The following BOC variants were observed in gnomAD, a reference collection of about 807,000 sequenced individuals.
BOC encodes the protein brother of CDO.
BOC carries 76 observed loss-of-function variants against 112.0 expected under a neutral mutation model. The observed-to-expected ratio is 0.68, with a 90% CI of 0.56 to 0.82. The LOEUF (loss-of-function observed/expected upper bound fraction) is 0.82. Ranked by LOEUF, BOC falls within the 40% of genes least tolerant of loss-of-function variation. BOC has a pLI of 0.00. For synonymous variants in BOC, 580 were observed against 599.8 expected (o/e 0.97, Z 0.48); for missense variants, 1,309 against 1,511.7 (o/e 0.87, Z 2.22).
intron 17 of BOC, 46 bp downstream of exon 17, chr3:113,284,613 G>A: frequency 6.4e-7 from 1 of 1,574,496 alleles, no homozygotes; most frequent in South Asian, 1.1e-5. Context: ...ACACCCAGGA[G>A]GGAGTGGCTG....
intron 2 of BOC, among the ~76,000 whole-genome samples, chr3:113,237,748 C>T (rs143535060): frequency 2.8e-4 from 43 of 152,200 alleles, no homozygotes; most frequent in African/African-American, 9.6e-4. Context: ...CCTTTCCCCC[C>T]AGGAAAAAAA....
chr3:113,222,577 C>T lies in BOC; in HGVS notation c.-82+6303C>T, dbSNP rs370753916. 3.9e-5 allele frequency among the ~76,000 whole-genome samples: 6 copies of T among 152,172 alleles called. No homozygotes were observed. The East Asian group carries it at 7.7e-4, about 20-fold the overall frequency. On this transcript the variant is annotated intron_variant, in intron 2 of 19. Coordinates refer to ENST00000682979, the MANE Select transcript of BOC (RefSeq NM_001378074.1). ...CCCTCAGGAATGTCCGTGGGTGTAC[C>T]GGTTGCTCCGTGTCGGGGGATGTAA...
intron 2 of BOC, among the ~76,000 whole-genome samples, chr3:113,226,558 A>G (rs1055438572): frequency 1.3e-5 from 2 of 152,350 alleles, no homozygotes; most frequent in South Asian, 2.1e-4. Flanking sequence ...TGCGTGTCCA[A>G]TTGAGATGGA....
intron 2 of BOC, among the ~76,000 whole-genome samples, chr3:113,239,728 G>A (rs946159676): frequency 1.3e-5 from 2 of 152,234 alleles, no homozygotes; most frequent in Non-Finnish European, 2.9e-5. Flanking sequence ...TGCAGGGAAG[G>A]TTGGGAAGAG....
rs1473152439 is a variant in BOC, at chr3:113,278,197, G to A, written c.1645G>A (p.Glu549Lys). 1 of 1,614,220 alleles carries A rather than the reference G, an allele frequency of 6.2e-7. No homozygotes were observed. Among genetic ancestry groups the A allele is most frequent in the Non-Finnish European group, 8.5e-7 (1 of 1,180,046 alleles). The change falls in exon 10 of 20, where the codon GAG (glutamate) becomes AAG (lysine). Residue 549 changes from glutamate to lysine, a missense_variant. Physicochemically the swap from Glu to Lys is moderately conservative, Grantham distance 56 (BLOSUM62 1). Transcript: ENST00000682979. This position sits in a 1 kb window ranked among gnomAD's most constrained non-coding sequence, Gnocchi z 4.2. ...TGACCCCGGGAGCTTGTATGAAGTG[G>A]AGATGGCAGCTTACAACTGTGCGGG... ...RLDPGSLYEV[E>K]MAAYNCAGEG...
chr3:113,233,692 G>A (rs1460986890), intron 2 of BOC, among the ~76,000 whole-genome samples: 3 of 152,114 alleles, frequency 2.0e-5, no homozygotes, highest in Non-Finnish European at 4.4e-5. Flanking sequence ...GGACCTCACC[G>A]CTGCCTAGTG....
At chr3:113,255,765 A>G (rs1359216051) in intron 4 of BOC, among the ~76,000 whole-genome samples, 1 of 152,204 alleles carries the variant, frequency 6.6e-6, no homozygotes, top group Non-Finnish European at 1.5e-5. Flanking sequence ...GAAAGGAAGG[A>G]GTCCCCCTCG....
chr3:113,263,579 G>A (rs1239513726), intron 4 of BOC, among the ~76,000 whole-genome samples: 2 of 152,192 alleles, frequency 1.3e-5, no homozygotes, highest in African/African-American at 4.8e-5. Context: ...GATTACACCT[G>A]GGGCATTTAA....
Position 113,226,070 on chromosome 3 carries a change from T to G in BOC, c.-82+9796T>G, listed in dbSNP as rs1266083270. On this transcript the variant is annotated intron_variant, in intron 2 of 19. Transcript: ENST00000682979. ...TGTGTGTCTATGAGCAGGGGCCATA[T>G]TTTCTGAACCAAAAGACAAATGTAT... is the stretch of plus-strand genomic sequence containing the variant. Among the ~76,000 whole-genome samples the G allele has an allele frequency of 4.6e-5, 7 of 152,360 alleles. No individual in the cohort carries two copies. In the South Asian group the frequency reaches 1.4e-3, roughly 32 times the overall value.
Position 113,268,317 on chromosome 3 carries a change from T to C in BOC, c.395T>C (p.Leu132Ser). 6.2e-7 allele frequency: 1 copy of C among 1,614,080 alleles called. No homozygotes were observed. The highest frequency in any genetic ancestry group is 8.5e-7 in the Non-Finnish European group (1 of 1,180,016). ...VTLANLQDFK[L>S]DVQHVIEVDE... Reference sequence around the variant, plus strand: ...TTCACAGATCTCCAGGACTTCAAGTTAGATGTGCAGCACGTGATTGAAGTG... The same window carrying C: ...TTCACAGATCTCCAGGACTTCAAGTCAGATGTGCAGCACGTGATTGAAGTG... Residue 132 changes from leucine (L) to serine (S), a missense_variant, in exon 5 of 20, where the codon TTA becomes TCA. Transcript: ENST00000682979.
intron 15 of BOC, 80 bp downstream of exon 15, chr3:113,281,233 G>A (rs772478943): frequency 2.3e-5 from 35 of 1,526,822 alleles, no homozygotes; most frequent in East Asian, 2.3e-4. Flanking sequence ...GTGCCTGTGC[G>A]GTGCTGGGCC....
Position 113,252,618 on chromosome 3 carries a change from T to A in BOC, c.376+1785T>A, listed in dbSNP as rs76963084. Among the ~76,000 whole-genome samples, 868 of 152,270 alleles carry A rather than the reference T, an allele frequency of 5.7e-3. 5 individuals are homozygous for A. The highest frequency in any genetic ancestry group is 0.019 in the African/African-American group (809 of 41,540). Reference sequence around the variant, plus strand: ...AGCTTCACTCTGTGGGTCAGTGGAATGGAGGCTGCCAGGATTCCTCTTTTC... The same window carrying A: ...AGCTTCACTCTGTGGGTCAGTGGAAAGGAGGCTGCCAGGATTCCTCTTTTC... On this transcript the variant is annotated intron_variant, in intron 4 of 19. Transcript: ENST00000682979.
At chr3:113,212,976 C>G (rs999212113) in intron 1 of BOC, among the ~76,000 whole-genome samples, 7 of 152,128 alleles carry the variant, frequency 4.6e-5, no homozygotes, top group African/African-American at 1.7e-4. Context: ...ATGAGAGAGG[C>G]AGGCAGACCT....
At chr3:113,239,477 A>G (rs10511323) in intron 2 of BOC, among the ~76,000 whole-genome samples, 30,202 of 152,196 alleles carry the variant, frequency 0.2, 3,819 homozygotes, top group East Asian at 0.46. Context: ...GAGCAGTGAC[A>G]TAAAAGGCAA....
intron 2 of BOC, among the ~76,000 whole-genome samples, chr3:113,244,526 G>A (rs372870113): frequency 2.6e-5 from 4 of 152,190 alleles, no homozygotes; most frequent in Non-Finnish European, 4.4e-5. Context: ...GCTGTCTAAT[G>A]TGGCAACCAC....
chr3:113,253,434 G>A (rs995396417), intron 4 of BOC, among the ~76,000 whole-genome samples: 4 of 151,746 alleles, frequency 2.6e-5, no homozygotes, highest in South Asian at 2.1e-4. Context: ...ATAGCCAGGC[G>A]TGGTGGCGTG....
In BOC at chr3:113,278,345, C is replaced by A; in HGVS notation, c.1705+88C>A. ...CAGGTGAGAATTCCTGCTCACCTTG[C>A]CCCAGCTGTTCACCTTGAACTTCAT... On this transcript the variant is annotated intron_variant, in intron 10 of 19. Transcript: ENST00000682979. The surrounding 1 kb of genome is among the most constrained non-coding windows in gnomAD (Gnocchi z 4.2). 1 of 1,402,870 alleles carries A rather than the reference C, an allele frequency of 7.1e-7. No homozygotes were observed. Among genetic ancestry groups the A allele is most frequent in the Non-Finnish European group, 9.9e-7 (1 of 1,012,400 alleles). 86.9% of individuals were successfully genotyped at this position (1,402,870 alleles called of 1,614,324 possible). A position where few individuals can be genotyped will look rare whatever the true frequency, so the allele number is the denominator to read the frequency against.
chr3:113,277,296 A>T (rs1948758696), intron 9 of BOC, among the ~76,000 whole-genome samples: 1 of 152,226 alleles, frequency 6.6e-6, no homozygotes, highest in African/African-American at 2.4e-5. Context: ...TCTTCAGAAT[A>T]ACCTGAGAGA....
chr3:113,283,599 C>T lies in BOC; in HGVS notation c.2623C>T (p.Pro875Ser). Residue 875 changes from proline to serine, a missense_variant, in exon 16 of 20, where the codon CCC becomes TCC. Physicochemically the swap from Pro to Ser is moderately conservative, Grantham distance 74. Coordinates refer to ENST00000682979, the MANE Select transcript of BOC (RefSeq NM_001378074.1). ...SIVLIIVTFI[P>S]FCLWRAWSKQ... ...CGTTCTCATCATCGTCACCTTCATC[C>T]CCTTCTGCTTGTGGAGGGCCTGGTC... The T allele has an allele frequency of 6.2e-7, 1 of 1,613,752 alleles. No individual in the cohort carries two copies. The highest frequency in any genetic ancestry group is 8.5e-7 in the Non-Finnish European group (1 of 1,179,962).
Sources: allele counts gnomAD v4.1 joint callset (sites outside exome capture counted in the v4.1 genomes callset), GRCh38; gene constraint gnomAD v4.1.1; non-coding constraint Gnocchi (gnomAD v3.1); transcripts MANE v1.5; gene names NCBI Gene and HGNC (gene_info 2026-07-23, HGNC 2026-07-21).